SFSWAP: variants seen among roughly 807,000 people sequenced by gnomAD.
SFSWAP encodes splicing factor, suppressor of white-apricot homolog.
A neutral mutation model predicts 100.7 loss-of-function variants in SFSWAP; 17 were observed. That is an observed-to-expected ratio of 0.17 (90% CI 0.12 to 0.25). The LOEUF (loss-of-function observed/expected upper bound fraction) is 0.25, where lower values mean the gene tolerates loss of function less well. Among genes scored for constraint, SFSWAP ranks in the 10% least tolerant of loss-of-function variants. The pLI, the probability that SFSWAP is intolerant of heterozygous loss-of-function variation, is 1.00. For missense variants in SFSWAP, 1,005 were observed against 1,262.6 expected (o/e 0.80, Z 3.09); for synonymous variants, 504 against 510.1 (o/e 0.99, Z 0.16).
chr12:131,778,034 G>A lies in SFSWAP; in HGVS notation c.2143-31G>A. The A allele has an allele frequency of 6.3e-7, 1 of 1,585,712 alleles. No individual in the cohort carries two copies. The highest frequency in any genetic ancestry group is 8.5e-7 in the Non-Finnish European group (1 of 1,170,844). ...ACATCTTCAATGTTCTGTTTTCCCT[G>A]TTAACACCCAGATTTTCCTTTTATT... On this transcript the variant is annotated intron_variant, in intron 13 of 17. Coordinates refer to ENST00000261674, the MANE Select transcript of SFSWAP (RefSeq NM_004592.4). The surrounding 1 kb of genome is among the most constrained non-coding windows in gnomAD (Gnocchi z 4.2).
At chr12:131,726,663 A>T (rs2136188998) in intron 5 of SFSWAP, among the ~76,000 whole-genome samples, 2 of 152,214 alleles carry the variant, frequency 1.3e-5, no homozygotes, top group South Asian at 2.1e-4. Flanking sequence ...GCCCTTTTTT[A>T]AAAAAAGGAA....
Position 131,786,587 on chromosome 12 carries a change from A to G in SFSWAP, c.2533A>G (p.Arg845Gly). 1 of 1,589,762 alleles carries G rather than the reference A, an allele frequency of 6.3e-7. No homozygotes were observed. Among genetic ancestry groups the G allele is most frequent in the East Asian group, 2.3e-5 (1 of 44,052 alleles). Reference sequence around the variant, plus strand: ...GGCCAGTAGGAAGCGGACCCGCTCCAGGTAGGCCACTGGGTGTGCACGCAG... The same window carrying G: ...GGCCAGTAGGAAGCGGACCCGCTCCGGGTAGGCCACTGGGTGTGCACGCAG... ...PGASRKRTRSRSPHEKKKKRR... is the reference protein window; with the variant it reads ...PGASRKRTRSGSPHEKKKKRR... Residue 845 changes from arginine to glycine, a missense_variant and splice_region_variant, in exon 15 of 18, where the codon AGA becomes GGA. Arg to Gly is a moderately radical substitution (Grantham distance 125). Transcript: ENST00000261674.
In SFSWAP at chr12:131,739,536, C is replaced by CTT. The variant is rs777610140; in HGVS notation, c.1081+11135_1081+11136dup. 2.3e-3 allele frequency among the ~76,000 whole-genome samples: 139 copies of CTT among 60,886 alleles called. 10 individuals are homozygous for CTT. Among genetic ancestry groups the CTT allele is most frequent in the East Asian group, 4.6e-3 (10 of 2,168 alleles). 39.9% of individuals were successfully genotyped at this position (60,886 alleles called of 152,430 possible). A position where few individuals can be genotyped will look rare whatever the true frequency, so the allele number is the denominator to read the frequency against. The stretch of plus-strand genomic sequence containing the variant: ...TTTGCATTCTATTATTCCCCAGTTG[C>CTT]TTTTTTTTTTTTTTTTTTTTTTTTT... On this transcript the variant is annotated intron_variant, in intron 7 of 17. Coordinates refer to ENST00000261674, the MANE Select transcript of SFSWAP (RefSeq NM_004592.4).
chr12:131,716,054 C>T (rs1242862257), intron 3 of SFSWAP, among the ~76,000 whole-genome samples: 1 of 152,192 alleles, frequency 6.6e-6, no homozygotes, highest in East Asian at 1.9e-4. Flanking sequence ...AGTAGTAAAG[C>T]AAAATGATGT....
chr12:131,736,718 T>C (rs115259040), intron 7 of SFSWAP, among the ~76,000 whole-genome samples: 2,028 of 152,318 alleles, frequency 0.013, 44 homozygotes, highest in African/African-American at 0.045. Flanking sequence ...TGTGCAGGTC[T>C]AAGACTTAGG....
chr12:131,780,694 T>G (rs1219463013), intron 14 of SFSWAP, among the ~76,000 whole-genome samples: 4 of 152,006 alleles, frequency 2.6e-5, no homozygotes, highest in African/African-American at 4.8e-5. Context: ...AAATAAAAAA[T>G]TTCCCACTTG....
chr12:131,739,536 C>CTTTT lies in SFSWAP; in HGVS notation c.1081+11133_1081+11136dup, dbSNP rs777610140. On this transcript the variant is annotated intron_variant, in intron 7 of 17. Transcript: ENST00000261674. Reference sequence around the variant, plus strand: ...TTTGCATTCTATTATTCCCCAGTTGCTTTTTTTTTTTTTTTTTTTTTTTTT... The same window carrying CTTTT: ...TTTGCATTCTATTATTCCCCAGTTGCTTTTTTTTTTTTTTTTTTTTTTTTTTTTT... 6.6e-4 allele frequency among the ~76,000 whole-genome samples: 40 copies of CTTTT among 60,880 alleles called. 5 individuals are homozygous for CTTTT. The highest frequency in any genetic ancestry group is 1.0e-3 in the Non-Finnish European group (32 of 30,538). 39.9% of individuals were successfully genotyped at this position (60,880 alleles called of 152,430 possible).
chr12:131,718,907 A>G (rs1878181666), intron 3 of SFSWAP, among the ~76,000 whole-genome samples: 1 of 152,218 alleles, frequency 6.6e-6, no homozygotes, highest in South Asian at 2.1e-4. Flanking sequence ...CTTCACAACC[A>G]GTGAGGAAAC....
intron 4 of SFSWAP, among the ~76,000 whole-genome samples, chr12:131,720,889 T>C (rs1243041597): frequency 2.0e-5 from 3 of 152,324 alleles, no homozygotes; most frequent in African/African-American, 7.2e-5. Context: ...TGGTCTGTTC[T>C]CACACAGCTA....
rs770602105 is a variant in SFSWAP, at chr12:131,797,372, C to G, written c.2717+12C>G. 1.9e-6 allele frequency: 3 copies of G among 1,595,846 alleles called. No homozygotes were observed. The highest frequency in any genetic ancestry group is 2.2e-5 in the East Asian group (1 of 44,536). On this transcript the variant is annotated intron_variant, in intron 16 of 17. Coordinates refer to ENST00000261674, the MANE Select transcript of SFSWAP (RefSeq NM_004592.4). ...CAGGAGCGCTCCAGGTAACCCCTGT[C>G]CTCCAGCAGCTCTCTCTGGGGAAAG...
intron 4 of SFSWAP, among the ~76,000 whole-genome samples, chr12:131,721,984 G>A (rs925512127): frequency 2.0e-4 from 30 of 152,126 alleles, no homozygotes; most frequent in Non-Finnish European, 2.8e-4. Context: ...ATTATACACC[G>A]TGGTGTCCAT....
intron 13 of SFSWAP, 26 bp downstream of exon 13, chr12:131,766,334 C>G: frequency 1.2e-6 from 2 of 1,600,934 alleles, no homozygotes; most frequent in Non-Finnish European, 1.7e-6. Context: ...ACATTGGTAT[C>G]TGCGGGGCTG....
chr12:131,725,026 T>C lies in SFSWAP; in HGVS notation c.607-379T>C, dbSNP rs183327718. ...CAGTGATTCTGGTTATTGAGAACCA[T>C]GGAATGTATACCCTCTCCCTAGAAA... On this transcript the variant is annotated intron_variant, in intron 4 of 17. Transcript: ENST00000261674. This position sits in a 1 kb window ranked among gnomAD's most constrained non-coding sequence, Gnocchi z 4.3. 2.0e-5 allele frequency among the ~76,000 whole-genome samples: 3 copies of C among 152,304 alleles called. No homozygotes were observed. The East Asian group carries it at 5.8e-4, about 29-fold the overall frequency.
chr12:131,730,312 C>T lies in SFSWAP; in HGVS notation c.1081+1884C>T, dbSNP rs1208139489. Among the ~76,000 whole-genome samples, 3 of 152,372 alleles carry T rather than the reference C, an allele frequency of 2.0e-5. No individual in the cohort carries two copies. Among genetic ancestry groups the T allele is most frequent in the Non-Finnish European group, 4.4e-5 (3 of 68,042 alleles). ...CTGCTTCCTCCTTTCCTTTTCCAAG[C>T]CTGTCGTTGAGTTTGCTTGAACCAA... On this transcript the variant is annotated intron_variant, in intron 7 of 17. Transcript: ENST00000261674. The surrounding 1 kb of genome is among the most constrained non-coding windows in gnomAD (Gnocchi z 4.0).
chr12:131,716,378 T>C (rs1170409405), intron 3 of SFSWAP, among the ~76,000 whole-genome samples: 1 of 152,258 alleles, frequency 6.6e-6, no homozygotes, highest in Non-Finnish European at 1.5e-5. Context: ...AGAAATGTTC[T>C]ATCAGGTCTA....
At chr12:131,775,843 A>C (rs1259350966) in intron 13 of SFSWAP, among the ~76,000 whole-genome samples, 1 of 151,784 alleles carries the variant, frequency 6.6e-6, no homozygotes, top group East Asian at 1.9e-4. Context: ...TAATCTCAGC[A>C]CTTTGGGATG....
chr12:131,747,361 G>A (rs1881229263), intron 7 of SFSWAP, among the ~76,000 whole-genome samples: 1 of 152,212 alleles, frequency 6.6e-6, no homozygotes, highest in Non-Finnish European at 1.5e-5. Flanking sequence ...CATGGGGACA[G>A]GGAGGCCTCC....
At chr12:131,747,615 T>C (rs191986646) in intron 7 of SFSWAP, among the ~76,000 whole-genome samples, 96 of 152,034 alleles carry the variant, frequency 6.3e-4, no homozygotes, top group African/African-American at 2.2e-3. Context: ...GCTGTACACA[T>C]GGAGGGCAGG....
chr12:131,791,414 A>G (rs1885218242), intron 15 of SFSWAP, among the ~76,000 whole-genome samples: 1 of 151,984 alleles, frequency 6.6e-6, no homozygotes, highest in Non-Finnish European at 1.5e-5. Context: ...AAACTTTTCC[A>G]CCAAACTCCA....
Sources: allele counts gnomAD v4.1 joint callset (sites outside exome capture counted in the v4.1 genomes callset), GRCh38; gene constraint gnomAD v4.1.1; non-coding constraint Gnocchi (gnomAD v3.1); transcripts MANE v1.5; gene names NCBI Gene and HGNC (gene_info 2026-07-23, HGNC 2026-07-21).